The following ADRA1D variants were observed in gnomAD, a reference collection of about 807,000 sequenced individuals.
ADRA1D encodes the protein alpha-1D adrenergic receptor.
A neutral mutation model predicts 18.6 loss-of-function variants in ADRA1D; 22 were observed. The observed-to-expected ratio is 1.19, with a 90% CI of 0.85 to 1.69. The LOEUF (loss-of-function observed/expected upper bound fraction) is 1.69. ADRA1D is among the 40% of genes most tolerant of loss of function. The pLI is 0.00. For synonymous variants in ADRA1D, 376 were observed against 388.2 expected (o/e 0.97, Z 0.37); for missense variants, 840 against 840.7 (o/e 1.00, Z 0.01).
At chr20:4,228,963 GTTCCAC>G (rs1051759547) in intron 1 of ADRA1D, among the ~76,000 whole-genome samples, 20 of 152,156 alleles carry the variant, frequency 1.3e-4, no homozygotes, top group African/African-American at 4.8e-4. Flanking sequence ...TGCCCCACAT[GTTCCAC>G]CCCTCCCAGG....
rs1206960003 is a variant in ADRA1D at position 4,243,323 on chromosome 20, TC to T, written c.1111+4523del. On this transcript the variant is annotated intron_variant, in intron 1 of 1. Coordinates refer to ENST00000379453, the MANE Select transcript of ADRA1D (RefSeq NM_000678.4). Reference sequence around the variant, plus strand: ...GCTCTCACTGCGGCCCCTCCCACACTCACTCTACAAGTCTGGGCTCCTCGGG... The same window carrying T: ...GCTCTCACTGCGGCCCCTCCCACACTACTCTACAAGTCTGGGCTCCTCGGG... Among the ~76,000 whole-genome samples, 8 of 143,282 alleles carry T rather than the reference TC, an allele frequency of 5.6e-5. No individual in the cohort carries two copies. In the South Asian group the frequency reaches 2.0e-3, roughly 36 times the overall value. 94.0% of individuals were successfully genotyped at this position (143,282 alleles called of 152,430 possible). A position where few individuals can be genotyped will look rare whatever the true frequency, so the allele number is the denominator to read the frequency against.
At chr20:4,235,555 C>A (rs11906238) in intron 1 of ADRA1D, among the ~76,000 whole-genome samples, 127 of 152,370 alleles carry the variant, frequency 8.3e-4, no homozygotes, top group African/African-American at 2.8e-3. Flanking sequence ...TGCAGTTCTG[C>A]CCCACGGCCA....
chr20:4,238,543 T>A (rs557791025), intron 1 of ADRA1D, among the ~76,000 whole-genome samples: 2 of 152,072 alleles, frequency 1.3e-5, no homozygotes, highest in African/African-American at 2.4e-5. Flanking sequence ...GAAAAAGGGT[T>A]GAGAGAGAGT....
chr20:4,243,175 C>A (rs749235940), intron 1 of ADRA1D, among the ~76,000 whole-genome samples: 16 of 152,138 alleles, frequency 1.1e-4, no homozygotes, highest in Non-Finnish European at 1.8e-4. Flanking sequence ...AGCTTCTCAG[C>A]GCAGAGGCTT....
intron 1 of ADRA1D, among the ~76,000 whole-genome samples, chr20:4,226,364 A>G (rs1980800021): frequency 6.6e-6 from 1 of 152,222 alleles, no homozygotes; most frequent in African/African-American, 2.4e-5. Flanking sequence ...ACAAGAGTAG[A>G]AATACAAGTT....
intron 1 of ADRA1D, among the ~76,000 whole-genome samples, chr20:4,236,856 G>A (rs1981104289): frequency 6.6e-6 from 1 of 152,230 alleles, no homozygotes; most frequent in African/African-American, 2.4e-5. Context: ...GTGGCCTCTA[G>A]AAGGTGGAAG....
rs1392518857 is a variant in ADRA1D, at chr20:4,222,006, G to A, written c.1236C>T (p.Ala412=). The A allele has an allele frequency of 1.3e-6, 2 of 1,595,400 alleles. No individual in the cohort carries two copies. ...ACTGGCAGCGCAGGAGACGGAGGAA[G>A]GCGCGCTTGAACTCGCGGCTGGAAC... ...YPCSSREFKR[A]FLRLLRCQCR... The change falls in exon 2 of 2, where the codon GCC becomes GCT. Residue 412 remains alanine (A), a synonymous_variant. Transcript: ENST00000379453. This position sits in a 1 kb window ranked among gnomAD's most constrained non-coding sequence, Gnocchi z 4.3.
In ADRA1D at chr20:4,222,224, G is replaced by T; in HGVS notation, c.1112-94C>A. 2 of 1,499,132 alleles carry T rather than the reference G, an allele frequency of 1.3e-6. No individual in the cohort carries two copies. Among genetic ancestry groups the T allele is most frequent in the Non-Finnish European group, 1.8e-6 (2 of 1,126,420 alleles). The allele number at this position is 1,499,132 out of a possible 1,614,324, so 92.9% of individuals were successfully genotyped here. On this transcript the variant is annotated intron_variant, in intron 1 of 1. Transcript: ENST00000379453. The surrounding 1 kb of genome is among the most constrained non-coding windows in gnomAD (Gnocchi z 4.3). ...AAGGGGAGACCCTTCAGTAGCCTTG[G>T]CTGAGTCATTGACTAGGAGTTCTCA...
chr20:4,248,695 C>G lies in ADRA1D; in HGVS notation c.263G>C (p.Gly88Ala). ...GGDVNGTAAV[G>A]GLVVSAQGVG... is the part of the protein sequence containing the mutation. ...GCCCTGCGCGCTCACCACCAGTCCC[C>G]CGACGGCCGCCGTGCCATTCACGTC... The change falls in exon 1 of 2, where the codon GGG (glycine) becomes GCG (alanine). Residue 88 changes from glycine to alanine, a missense_variant. Transcript: ENST00000379453. 6.3e-7 allele frequency: 1 copy of G among 1,575,574 alleles called. No homozygotes were observed. The highest frequency in any genetic ancestry group is 1.4e-5 in the African/African-American group (1 of 73,990).
At chr20:4,233,335 C>T (rs1481251909) in intron 1 of ADRA1D, among the ~76,000 whole-genome samples, 3 of 151,700 alleles carry the variant, frequency 2.0e-5, no homozygotes, top group African/African-American at 7.3e-5. Context: ...GTGGTGCACA[C>T]CTGTAGCCCC....
chr20:4,244,638 C>T (rs1431936833), intron 1 of ADRA1D, among the ~76,000 whole-genome samples: 1 of 152,192 alleles, frequency 6.6e-6, no homozygotes, highest in Non-Finnish European at 1.5e-5. Context: ...TCAGTGTTCC[C>T]TGTTCCTTCA....
rs1376777788 is a variant in ADRA1D, at chr20:4,248,827, C to T, written c.131G>A (p.Gly44Asp). The T allele has an allele frequency of 9.7e-7, 1 of 1,030,354 alleles. No homozygotes were observed. The highest frequency in any genetic ancestry group is 1.2e-6 in the Non-Finnish European group (1 of 861,776). 63.8% of individuals were successfully genotyped at this position (1,030,354 alleles called of 1,614,324 possible). The change falls in exon 1 of 2, where the codon GGC (glycine) becomes GAC (aspartate). Residue 44 changes from glycine (G) to aspartate (D), a missense_variant. Transcript: ENST00000379453. ...GCCGCCCGCGCCCCCCGGCACGCCGCCCACCGCCGGGCCCTCCGAGGGGGC... is the reference window on the plus strand; with the variant it reads ...GCCGCCCGCGCCCCCCGGCACGCCGTCCACCGCCGGGCCCTCCGAGGGGGC... ...GAAPSEGPAV[G>D]GVPGGAGGGG...
rs966187618 is a variant in ADRA1D, at chr20:4,249,238, C to T, written c.-281G>A. ...GAGCGTGCCCGGCAAGCGGGCAAAG[C>T]GGCGGCTCCGGGGCCGGGCGGTGCA... On this transcript the variant is annotated 5_prime_UTR_variant, in exon 1 of 2. Coordinates refer to ENST00000379453, the MANE Select transcript of ADRA1D (RefSeq NM_000678.4). Among the ~76,000 whole-genome samples, 1 of 151,890 alleles carries T rather than the reference C, an allele frequency of 6.6e-6. No homozygotes were observed. The highest frequency in any genetic ancestry group is 1.9e-4 in the East Asian group (1 of 5,152).
intron 1 of ADRA1D, among the ~76,000 whole-genome samples, chr20:4,238,080 C>T (rs1314680190): frequency 7.3e-5 from 11 of 150,516 alleles, no homozygotes; most frequent in African/African-American, 1.7e-4. Flanking sequence ...AAACCCCCCC[C>T]GTCTCTACTA....
chr20:4,237,355 T>C (rs1981115707), intron 1 of ADRA1D, among the ~76,000 whole-genome samples: 1 of 151,722 alleles, frequency 6.6e-6, no homozygotes, highest in South Asian at 2.1e-4. Flanking sequence ...ATCACACGAC[T>C]GCACCCCAGC....
chr20:4,241,127 CTAAGCGAAA>C (rs958744564), intron 1 of ADRA1D, among the ~76,000 whole-genome samples: 2 of 152,068 alleles, frequency 1.3e-5, no homozygotes, highest in African/African-American at 4.8e-5. Flanking sequence ...GGCTGTTATG[CTAAGCGAAA>C]TAAGCCAGTC....
At position 4,222,011 on chromosome 20, in the gene ADRA1D, G is replaced by A; in HGVS notation, c.1231C>T (p.Arg411Cys). The part of the protein sequence containing the change: ...IYPCSSREFK[R>C]AFLRLLRCQC... Reference sequence around the variant, plus strand: ...CAGCGCAGGAGACGGAGGAAGGCGCGCTTGAACTCGCGGCTGGAACAGGGG... The same window carrying A: ...CAGCGCAGGAGACGGAGGAAGGCGCACTTGAACTCGCGGCTGGAACAGGGG... Residue 411 changes from arginine to cysteine, a missense_variant, in exon 2 of 2, where the codon CGC (arginine) becomes TGC (cysteine). Coordinates refer to ENST00000379453, the MANE Select transcript of ADRA1D (RefSeq NM_000678.4). The surrounding 1 kb of genome is among the most constrained non-coding windows in gnomAD (Gnocchi z 4.3). The A allele has an allele frequency of 6.3e-7, 1 of 1,599,668 alleles. No individual in the cohort carries two copies. Among genetic ancestry groups the A allele is most frequent in the Non-Finnish European group, 8.5e-7 (1 of 1,172,916 alleles).
At chr20:4,241,112 T>C (rs984801351) in intron 1 of ADRA1D, among the ~76,000 whole-genome samples, 3 of 152,134 alleles carry the variant, frequency 2.0e-5, no homozygotes, top group Non-Finnish European at 4.4e-5. Flanking sequence ...TGACTTTAAA[T>C]AGAGGGCTGT....
In ADRA1D at chr20:4,248,321, C is replaced by A; in HGVS notation, c.637G>T (p.Ala213Ser). Residue 213 changes from alanine to serine, a missense_variant, in exon 1 of 2, where the codon GCG becomes TCG. Physicochemically the swap from Ala to Ser is moderately conservative, Grantham distance 99. Transcript: ENST00000379453. Reference protein sequence around the residue: ...KYPAIMTERKAAAILALLWVV... With the variant: ...KYPAIMTERKSAAILALLWVV... The stretch of plus-strand genomic sequence containing the variant: ...CAGAGCAGGGCCAGGATGGCGGCCG[C>A]CTTGCGCTCGGTCATGATGGCTGGG... The A allele has an allele frequency of 6.2e-7, 1 of 1,605,930 alleles. No homozygotes were observed. The highest frequency in any genetic ancestry group is 8.5e-7 in the Non-Finnish European group (1 of 1,176,468).
Sources: gnomAD v4.1 joint callset for allele counts (sites outside exome capture counted in the v4.1 genomes callset) on GRCh38, gnomAD v4.1.1 for gene constraint, Gnocchi (gnomAD v3.1) non-coding constraint, MANE v1.5 for transcripts, NCBI Gene and HGNC (gene_info 2026-07-23, HGNC 2026-07-21) for gene names.